The following RUBCNL variants were observed in gnomAD, a reference collection of about 807,000 sequenced individuals.
RUBCNL encodes the protein protein associated with UVRAG as autophagy enhancer.
In RUBCNL, 62 loss-of-function variants were observed where a neutral mutation model predicts 69.5. The observed-to-expected ratio is 0.89, with a 90% CI of 0.73 to 1.10. The LOEUF (loss-of-function observed/expected upper bound fraction) is 1.10. Among genes scored for constraint, RUBCNL ranks in the 50% least tolerant of loss-of-function variants. RUBCNL has a pLI of 0.00. For missense variants in RUBCNL, 768 were observed against 798.1 expected (o/e 0.96, Z 0.45); for synonymous variants, 291 against 303.6 (o/e 0.96, Z 0.43).
In RUBCNL at chr13:46,361,492, C is replaced by G. The variant is rs761188958; in HGVS notation, c.1068G>C (p.Leu356=). 1 of 1,613,966 alleles carries G rather than the reference C, an allele frequency of 6.2e-7. No homozygotes were observed. The highest frequency in any genetic ancestry group is 2.2e-5 in the East Asian group (1 of 44,890). The change falls in exon 8 of 15, where the codon CTG becomes CTC. Residue 356 remains leucine (L), a synonymous_variant. Transcript: ENST00000429979. ...CTGCCAGCTGAGAATTAACTACTGA[C>G]AGTATCCAGCACTTCTGGAACACGC... The part of the protein sequence containing the change: ...LYRVFQKCWI[L]SVVNSQLAGS...
intron 3 of RUBCNL, among the ~76,000 whole-genome samples, chr13:46,369,895 G>T (rs907736849): frequency 2.4e-4 from 36 of 152,324 alleles, no homozygotes; most frequent in African/African-American, 8.4e-4. Context: ...GAAAAATTTG[G>T]ACTTCTTAGC....
intron 1 of RUBCNL, among the ~76,000 whole-genome samples, chr13:46,382,815 A>G (rs1450084117): frequency 1.3e-5 from 2 of 152,164 alleles, no homozygotes. Context: ...GATTACAGGC[A>G]TGAGCCACCG....
intron 12 of RUBCNL, 136 bp downstream of exon 12, chr13:46,349,150 T>G (rs868658232): frequency 1.4e-6 from 1 of 694,332 alleles, no homozygotes; most frequent in Middle Eastern, 3.2e-4. Flanking sequence ...AGAGATGGCA[T>G]GATTTCCCAA....
chr13:46,340,978 G>A lies in RUBCNL; in HGVS notation c.*2407C>T, dbSNP rs145541231. ...CAAACTAGAGCACCAAGTCACCATG[G>A]GTAGGTAGAAAGTGGCATATTTGGG... On this transcript the variant is annotated 3_prime_UTR_variant, in exon 15 of 15. Transcript: ENST00000429979. Among the ~76,000 whole-genome samples the A allele has an allele frequency of 1.3e-3, 194 of 152,272 alleles. No individual in the cohort carries two copies. The highest frequency in any genetic ancestry group is 4.3e-3 in the African/African-American group (179 of 41,542).
intron 1 of RUBCNL, chr13:46,385,330 T>C: frequency 2.3e-6 from 2 of 875,724 alleles, no homozygotes; most frequent in Non-Finnish European, 2.7e-6. Context: ...CAATCAGAGA[T>C]CTAATTGGGT....
upstream of RUBCNL, chr13:46,387,518 G>T: frequency 6.1e-6 from 6 of 985,662 alleles, no homozygotes; most frequent in Non-Finnish European, 7.2e-6. Flanking sequence ...CCTACCCGCG[G>T]CGCGAGACGC....
At chr13:46,370,326 A>T (rs2048850324) in intron 3 of RUBCNL, among the ~76,000 whole-genome samples, 1 of 152,208 alleles carries the variant, frequency 6.6e-6, no homozygotes, top group Non-Finnish European at 1.5e-5. Flanking sequence ...GCCTTAAGAA[A>T]TGCTTACAGA....
rs896824155 is a variant in RUBCNL, at chr13:46,341,344, A to G, written c.*2041T>C. Among the ~76,000 whole-genome samples the G allele has an allele frequency of 2.6e-5, 4 of 152,172 alleles. No homozygotes were observed. The highest frequency in any genetic ancestry group is 4.8e-5 in the African/African-American group (2 of 41,452). On this transcript the variant is annotated 3_prime_UTR_variant, in exon 15 of 15. Transcript: ENST00000429979. Reference sequence around the variant, plus strand: ...CCATTAAACAGCTATATATGCCACAACTAATTACTTCCTTATGGGGTGCTC... The same window carrying G: ...CCATTAAACAGCTATATATGCCACAGCTAATTACTTCCTTATGGGGTGCTC...
Position 46,349,160 on chromosome 13 carries a change from A to G in RUBCNL, c.1631+126T>C, listed in dbSNP as rs2048313856. The G allele has an allele frequency of 5.4e-6, 4 of 740,616 alleles. 1 individual carries two copies. Among genetic ancestry groups the G allele is most frequent in the Admixed American group, 5.3e-5 (2 of 37,870 alleles). The allele number at this position is 740,616 out of a possible 1,614,324, so 45.9% of individuals were successfully genotyped here. ...TTCAAAGAGATGGCATGATTTCCCAAGGAAAGCCATGAGGTCATCACTGTG... is the reference window on the plus strand; with the variant it reads ...TTCAAAGAGATGGCATGATTTCCCAGGGAAAGCCATGAGGTCATCACTGTG... On this transcript the variant is annotated intron_variant, in intron 12 of 14. Coordinates refer to ENST00000429979, the MANE Select transcript of RUBCNL (RefSeq NM_025113.5).
chr13:46,349,409 A>G, intron 11 of RUBCNL, 62 bp from the exon 12 acceptor site: 1 of 1,459,782 alleles, frequency 6.9e-7, no homozygotes, highest in Non-Finnish European at 9.6e-7. Flanking sequence ...GGAAAAGTGC[A>G]AGTCAAATTT....
At chr13:46,379,211 G>A (rs1358172338) in intron 1 of RUBCNL, among the ~76,000 whole-genome samples, 1 of 152,056 alleles carries the variant, frequency 6.6e-6, no homozygotes, top group Non-Finnish European at 1.5e-5. Flanking sequence ...CAAGTAGCTG[G>A]GATTACAGGT....
chr13:46,386,040 A>G (rs2049234963), intron 1 of RUBCNL, among the ~76,000 whole-genome samples: 1 of 152,210 alleles, frequency 6.6e-6, no homozygotes, highest in East Asian at 1.9e-4. Flanking sequence ...GCACTGCCAT[A>G]AAGATGCTGT....
In RUBCNL at chr13:46,371,951, A is replaced by G; in HGVS notation, c.525T>C (p.Ala175=). ...ACCTACTAAAATTACCTTCATCAGC[A>G]GCAGATGTCAGATGGGAAGGCTCAA... The part of the protein sequence containing the change: ...AFFEPSHLTS[A]ADEGAVQVSR... Residue 175 remains alanine, a synonymous_variant, in exon 3 of 15, where the codon GCT becomes GCC. Coordinates refer to ENST00000429979, the MANE Select transcript of RUBCNL (RefSeq NM_025113.5). 6.2e-7 allele frequency: 1 copy of G among 1,613,944 alleles called. No individual in the cohort carries two copies. The highest frequency in any genetic ancestry group is 8.5e-7 in the Non-Finnish European group (1 of 1,179,820).
In RUBCNL at chr13:46,372,040, A is replaced by G. The variant is rs2048886984; in HGVS notation, c.436T>C (p.Ser146Pro). 6.2e-7 allele frequency: 1 copy of G among 1,613,974 alleles called. No homozygotes were observed. Among genetic ancestry groups the G allele is most frequent in the Non-Finnish European group, 8.5e-7 (1 of 1,179,884 alleles). Residue 146 changes from serine to proline, a missense_variant, in exon 3 of 15, where the codon TCT becomes CCT. Transcript: ENST00000429979. ...MVRPGYSHRV[S>P]LPTSPGILAT... The stretch of plus-strand genomic sequence containing the variant: ...AAAATCCCAGGGCTTGTGGGCAGAG[A>G]CACCCGATGAGAGTATCCTGGGCGG...
At chr13:46,379,715 G>A (rs952479796) in intron 1 of RUBCNL, among the ~76,000 whole-genome samples, 1 of 152,128 alleles carries the variant, frequency 6.6e-6, no homozygotes, top group Non-Finnish European at 1.5e-5. Context: ...TTTATGGTAC[G>A]TTACTAAGCA....
rs1310416146 is a variant in RUBCNL, at chr13:46,361,510, G to C, written c.1050C>G (p.Phe350Leu). Residue 350 changes from phenylalanine (F) to leucine (L), a missense_variant, in exon 8 of 15, where the codon TTC (phenylalanine) becomes TTG (leucine). Coordinates refer to ENST00000429979, the MANE Select transcript of RUBCNL (RefSeq NM_025113.5). Reference protein sequence around the residue: ...ELLAKELYRVFQKCWILSVVN... With the variant: ...ELLAKELYRVLQKCWILSVVN... ...CTACTGACAGTATCCAGCACTTCTG[G>C]AACACGCGGTACAGCTCTTTGGCTA... The C allele has an allele frequency of 6.2e-7, 1 of 1,613,604 alleles. No homozygotes were observed. Among genetic ancestry groups the C allele is most frequent in the Non-Finnish European group, 8.5e-7 (1 of 1,179,698 alleles).
chr13:46,351,626 G>A (rs928925139), intron 10 of RUBCNL, among the ~76,000 whole-genome samples: 1 of 152,124 alleles, frequency 6.6e-6, no homozygotes, highest in African/African-American at 2.4e-5. Flanking sequence ...AACATGAAAT[G>A]CTGTACAGCC....
chr13:46,387,292 A>G (rs2049272612), upstream of RUBCNL: 1 of 985,036 alleles, frequency 1.0e-6, no homozygotes, highest in Admixed American at 6.2e-5. Flanking sequence ...CGACGCCCCG[A>G]CGCCGCCACG....
upstream of RUBCNL, chr13:46,387,282 C>A (rs951255350): frequency 1.0e-6 from 1 of 985,458 alleles, no homozygotes; most frequent in African/African-American, 1.7e-5. Context: ...GAGGGGACAG[C>A]GACGCCCCGA....
Sources: allele counts gnomAD v4.1 joint callset (sites outside exome capture counted in the v4.1 genomes callset), GRCh38; gene constraint gnomAD v4.1.1; transcripts MANE v1.5; gene names NCBI Gene and HGNC (gene_info 2026-07-23, HGNC 2026-07-21).